The following SCN2A variants were observed in gnomAD, a reference collection of about 807,000 sequenced individuals.
SCN2A encodes the protein sodium voltage-gated channel alpha subunit 2, also known as sodium channel protein type 2 subunit alpha.
A neutral mutation model predicts 188.7 loss-of-function variants in SCN2A; 20 were observed. The observed-to-expected ratio is 0.11, with a 90% CI of 0.07 to 0.15. The LOEUF is 0.15. Ranked by LOEUF, SCN2A falls within the 10% of genes least tolerant of loss-of-function variation. The pLI, the probability that SCN2A is intolerant of heterozygous loss-of-function variation, is 1.00. For synonymous variants in SCN2A, 804 were observed against 833.1 expected (o/e 0.97, Z 0.60); for missense variants, 1,278 against 2,445.0 (o/e 0.52, Z 10.07).
intron 1 of SCN2A, among the ~76,000 whole-genome samples, chr2:165,265,264 A>G (rs1444900969): frequency 1.3e-5 from 2 of 151,326 alleles, no homozygotes; most frequent in Non-Finnish European, 2.9e-5. Context: ...TGGCCACAAC[A>G]TATATATTGT....
intron 25 of SCN2A, among the ~76,000 whole-genome samples, chr2:165,384,762 G>A (rs56313754): frequency 0.38 from 57,387 of 151,908 alleles, 11,227 homozygotes; most frequent in East Asian, 0.54. Context: ...AGCACTAAGT[G>A]CTTTAAACTC....
intron 17 of SCN2A, among the ~76,000 whole-genome samples, chr2:165,359,724 A>T (rs530254526): frequency 1.3e-5 from 2 of 152,144 alleles, no homozygotes; most frequent in Admixed American, 6.5e-5. Context: ...TCCTCATGGG[A>T]AAGTTTTCCA....
chr2:165,339,486 A>T (rs1228848720), intron 14 of SCN2A, among the ~76,000 whole-genome samples: 1 of 152,158 alleles, frequency 6.6e-6, no homozygotes, highest in Non-Finnish European at 1.5e-5. Flanking sequence ...CAACATGATC[A>T]TATTGTAGAC....
chr2:165,290,019 T>A (rs1696027961), intron 1 of SCN2A, among the ~76,000 whole-genome samples: 1 of 152,148 alleles, frequency 6.6e-6, no homozygotes, highest in African/African-American at 2.4e-5. Context: ...TCTTTCCAGT[T>A]GTGAGAACTT....
At chr2:165,370,535 A>C (rs1700970462) in intron 20 of SCN2A, 1 of 420,906 alleles carries the variant, frequency 2.4e-6, no homozygotes, top group African/African-American at 2.0e-5. Context: ...ATTTCAAATT[A>C]ATATTTAAAA....
At chr2:165,303,065 A>G (rs1275911350) in intron 3 of SCN2A, among the ~76,000 whole-genome samples, 1 of 152,062 alleles carries the variant, frequency 6.6e-6, no homozygotes, top group African/African-American at 2.4e-5. Flanking sequence ...TTGTTCCAGG[A>G]TACAGTGTTC....
At chr2:165,241,269 G>C (rs1416496987) in intron 1 of SCN2A, among the ~76,000 whole-genome samples, 2 of 152,058 alleles carry the variant, frequency 1.3e-5, no homozygotes, top group Non-Finnish European at 2.9e-5. Flanking sequence ...TCTTGTCAAA[G>C]CATCCAAGAA....
intron 1 of SCN2A, among the ~76,000 whole-genome samples, chr2:165,286,559 C>T (rs374784942): frequency 6.6e-6 from 1 of 152,204 alleles, no homozygotes; most frequent in Non-Finnish European, 1.5e-5. Flanking sequence ...GACATCAGAA[C>T]CTTTGGAACC....
intron 1 of SCN2A, among the ~76,000 whole-genome samples, chr2:165,287,342 C>T (rs1258977336): frequency 2.6e-5 from 4 of 152,102 alleles, no homozygotes; most frequent in Non-Finnish European, 5.9e-5. Context: ...AGTGTGTTTA[C>T]TGAAGTTGTG....
intron 1 of SCN2A, among the ~76,000 whole-genome samples, chr2:165,291,419 CCTGT>C (rs1282506431): frequency 3.0e-4 from 34 of 111,904 alleles, no homozygotes; most frequent in South Asian, 6.5e-4. Context: ...TTCCTTCCTC[CCTGT>C]CTGTCTTTCT....
At chr2:165,303,148 A>T (rs1696912091) in intron 3 of SCN2A, among the ~76,000 whole-genome samples, 1 of 151,990 alleles carries the variant, frequency 6.6e-6, no homozygotes, top group Admixed American at 6.6e-5. Flanking sequence ...TTTTGCTACT[A>T]GTTTGAGCCT....
intron 17 of SCN2A, 82 bp from the exon 18 acceptor site, chr2:165,365,061 G>T (rs1700651023): frequency 7.8e-6 from 8 of 1,025,952 alleles, no homozygotes; most frequent in Non-Finnish European, 1.1e-5. Flanking sequence ...ACAGAAGATG[G>T]GGGGGGGGCA....
intron 16 of SCN2A, among the ~76,000 whole-genome samples, chr2:165,349,424 C>T (rs1238353098): frequency 6.6e-6 from 1 of 152,092 alleles, no homozygotes; most frequent in Non-Finnish European, 1.5e-5. Flanking sequence ...CAGGAGAATG[C>T]AGAATAGATT....
At chr2:165,267,618 C>A (rs1694928535) in intron 1 of SCN2A, 1 of 151,370 alleles carries the variant, frequency 6.6e-6, no homozygotes, top group Admixed American at 6.6e-5. Context: ...AAATCACAGA[C>A]CAAAACAAAA....
Position 165,389,236 on chromosome 2 carries a change from C to T in SCN2A, c.5430C>T (p.Thr1810=), listed in dbSNP as rs1702028561. Residue 1810 remains threonine, a synonymous_variant, in exon 27 of 27, where the codon ACC becomes ACT. Coordinates refer to ENST00000375437, the MANE Select transcript of SCN2A (RefSeq NM_001040142.2). This position sits in a 1 kb window ranked among gnomAD's most constrained non-coding sequence, Gnocchi z 4.2. ...EVWEKFDPDA[T]QFIEFAKLSD... ...GGGAGAAGTTTGATCCCGATGCGAC[C>T]CAGTTTATAGAGTTTGCCAAACTTT... The T allele has an allele frequency of 1.2e-6, 2 of 1,613,846 alleles. No homozygotes were observed. Among genetic ancestry groups the T allele is most frequent in the African/African-American group, 2.7e-5 (2 of 74,834 alleles).
intron 1 of SCN2A, among the ~76,000 whole-genome samples, chr2:165,275,268 C>T (rs1177310928): frequency 6.6e-6 from 1 of 152,174 alleles, no homozygotes; most frequent in African/African-American, 2.4e-5. Flanking sequence ...TCCTTCAGGG[C>T]TTTTGTTAAA....
intron 1 of SCN2A, among the ~76,000 whole-genome samples, chr2:165,253,723 A>G (rs779249206): frequency 2.0e-5 from 3 of 152,098 alleles, no homozygotes; most frequent in Non-Finnish European, 4.4e-5. Context: ...GATCAAGTAT[A>G]GATGTTTGAC....
chr2:165,336,477 T>G (rs1002025936), intron 14 of SCN2A, among the ~76,000 whole-genome samples: 1 of 151,836 alleles, frequency 6.6e-6, no homozygotes, highest in Non-Finnish European at 1.5e-5. Flanking sequence ...ACAAAGCCAG[T>G]CACAAAATTT....
At chr2:165,282,621 G>T (rs1695631837) in intron 1 of SCN2A, among the ~76,000 whole-genome samples, 1 of 152,018 alleles carries the variant, frequency 6.6e-6, no homozygotes, top group African/African-American at 2.4e-5. Context: ...TTGCTATGTT[G>T]CTCAGGCCAG....
Sources: gnomAD v4.1 joint callset for allele counts (sites outside exome capture counted in the v4.1 genomes callset) on GRCh38, gnomAD v4.1.1 for gene constraint, Gnocchi (gnomAD v3.1) non-coding constraint, MANE v1.5 for transcripts, NCBI Gene and HGNC (gene_info 2026-07-23, HGNC 2026-07-21) for gene names.